OPHN1: variants seen among roughly 807,000 people sequenced by gnomAD.
The protein encoded by OPHN1 is oligophrenin-1.
Under a neutral mutation model 60.7 loss-of-function variants are expected in OPHN1, and 11 were observed. The ratio of observed to expected loss-of-function variants is 0.18; its 90% CI spans 0.11 to 0.30. The LOEUF (loss-of-function observed/expected upper bound fraction) is 0.30, where lower values mean the gene tolerates loss of function less well. OPHN1 is among the 10% of genes least tolerant of loss of function. The pLI, the probability that OPHN1 is intolerant of heterozygous loss-of-function variation, is 1.00. For synonymous variants in OPHN1, 226 were observed against 222.6 expected (o/e 1.02, Z -0.14); for missense variants, 449 against 611.0 (o/e 0.73, Z 2.80).
At chrX:68,126,440 C>G (rs1301754552) in intron 15 of OPHN1, among the ~76,000 whole-genome samples, 3 of 110,032 alleles carry the variant, frequency 2.7e-5, no homozygotes, top group African/African-American at 6.8e-5. Context: ...GATTTATAGT[C>G]TGCAATTCAA....
chrX:68,402,143 G>C (rs1052685466), intron 2 of OPHN1, among the ~76,000 whole-genome samples: 1 of 111,038 alleles, frequency 9.0e-6, no homozygotes, highest in Non-Finnish European at 1.9e-5. Context: ...AAAAGTGTTT[G>C]AAATGTAGCA....
chrX:68,120,373 T>A (rs2077145806), intron 15 of OPHN1, among the ~76,000 whole-genome samples: 1 of 111,635 alleles, frequency 9.0e-6, no homozygotes, highest in African/African-American at 3.3e-5. Context: ...GAAAAAAATT[T>A]CAAAAACAAT....
chrX:68,202,870 C>T (rs1399800014), intron 10 of OPHN1, among the ~76,000 whole-genome samples: 1 of 111,776 alleles, frequency 8.9e-6, no homozygotes, highest in Non-Finnish European at 1.9e-5. Flanking sequence ...AGTAAAGCAG[C>T]ATACCCAAAG....
chrX:68,388,160 G>A (rs1392990984), intron 2 of OPHN1, among the ~76,000 whole-genome samples: 1 of 103,320 alleles, frequency 9.7e-6, no homozygotes, highest in East Asian at 3.0e-4. Flanking sequence ...GGTCTCGTAT[G>A]CCTATTTAAG....
intron 4 of OPHN1, among the ~76,000 whole-genome samples, chrX:68,280,993 T>C (rs2078017054): frequency 8.9e-6 from 1 of 112,051 alleles, no homozygotes; most frequent in Non-Finnish European, 1.9e-5. Flanking sequence ...AAAGTCAATA[T>C]TTTTAAGATA....
intron 17 of OPHN1, 117 bp from the exon 18 acceptor site, chrX:68,112,076 CACACACACACACAGAG>C: frequency 4.8e-6 from 2 of 419,286 alleles, no homozygotes; most frequent in Non-Finnish European, 8.5e-6. Flanking sequence ...CACACACACA[CACACACACACACAGAG>C]AGAGATTCGG....
At chrX:68,128,170 C>T (rs887304944) in intron 15 of OPHN1, among the ~76,000 whole-genome samples, 1 of 109,592 alleles carries the variant, frequency 9.1e-6, no homozygotes, top group Non-Finnish European at 1.9e-5. Context: ...CCTCCTCTGC[C>T]TCCCGAGTAG....
intron 15 of OPHN1, among the ~76,000 whole-genome samples, chrX:68,165,445 G>A (rs1436975936): frequency 9.0e-6 from 1 of 110,781 alleles, no homozygotes; most frequent in Non-Finnish European, 1.9e-5. Flanking sequence ...CCAAGGAGAG[G>A]CACAGAGATA....
intron 2 of OPHN1, among the ~76,000 whole-genome samples, chrX:68,426,699 C>CAAAAA (rs778079057): frequency 5.4e-5 from 2 of 36,716 alleles, no homozygotes; most frequent in African/African-American, 7.7e-5. Context: ...CGCATCTCTC[C>CAAAAA]AAAAAAAAAA....
chrX:68,053,784 G>A lies in OPHN1; in HGVS notation c.2185C>T (p.Arg729Trp), dbSNP rs1265135988. 8 of 1,209,671 alleles carry A rather than the reference G, an allele frequency of 6.6e-6. No homozygotes were observed. The highest frequency in any genetic ancestry group is 1.7e-5 in the African/African-American group (1 of 57,474). Reference sequence around the variant, plus strand: ...ATGGTTGGCTTTTCTCCTGGAGGCCGCACTTTGCTGAAACTGTCAGCATCC... The same window carrying A: ...ATGGTTGGCTTTTCTCCTGGAGGCCACACTTTGCTGAAACTGTCAGCATCC... ...EGDADSFSKV[R>W]PPGEKPTIIR... is the part of the protein sequence containing the mutation. The change falls in exon 22 of 25, where the codon CGG (arginine) becomes TGG (tryptophan). Residue 729 changes from arginine to tryptophan, a missense_variant. Physicochemically the swap from Arg to Trp is moderately radical, Grantham distance 101. Transcript: ENST00000355520.
At chrX:68,071,508 A>G in intron 20 of OPHN1, 1 of 698,626 alleles carries the variant, frequency 1.4e-6, no homozygotes, top group Non-Finnish European at 2.3e-6. Context: ...TGCCCAGCAG[A>G]GATTTGAATT....
chrX:68,246,996 A>T (rs1313989695), intron 5 of OPHN1, among the ~76,000 whole-genome samples: 2 of 111,702 alleles, frequency 1.8e-5, no homozygotes, highest in Non-Finnish European at 3.8e-5. Flanking sequence ...AGGACTAAGT[A>T]TACTCACCTT....
chrX:68,179,982 C>G (rs2077429777), intron 15 of OPHN1, among the ~76,000 whole-genome samples: 1 of 111,303 alleles, frequency 9.0e-6, no homozygotes, highest in Non-Finnish European at 1.9e-5. Flanking sequence ...AAGGCTCCAC[C>G]TCTTGATAAC....
chrX:68,158,042 G>A (rs923737501), intron 15 of OPHN1, among the ~76,000 whole-genome samples: 3 of 111,638 alleles, frequency 2.7e-5, no homozygotes, highest in South Asian at 3.8e-4. Flanking sequence ...TCCACCTCCC[G>A]GGTTCACGCC....
At chrX:68,299,279 T>C (rs2078109480) in intron 2 of OPHN1, among the ~76,000 whole-genome samples, 183 bp from the exon 3 acceptor site, 1 of 111,682 alleles carries the variant, frequency 9.0e-6, no homozygotes, top group African/African-American at 3.3e-5. Flanking sequence ...ACAACTAAAA[T>C]CACAAGAAGA....
At chrX:68,164,672 G>C (rs1379305198) in intron 15 of OPHN1, among the ~76,000 whole-genome samples, 2 of 111,869 alleles carry the variant, frequency 1.8e-5, no homozygotes, top group Non-Finnish European at 3.8e-5. Context: ...ATGAGCACTG[G>C]CTTTAACTTT....
chrX:68,311,215 G>A (rs935942710), intron 2 of OPHN1, among the ~76,000 whole-genome samples: 1 of 111,861 alleles, frequency 8.9e-6, no homozygotes, highest in Non-Finnish European at 1.9e-5. Context: ...GTCAAGGCTT[G>A]CAGTAAGCTA....
At chrX:68,421,465 G>GT (rs751645148) in intron 2 of OPHN1, among the ~76,000 whole-genome samples, 43 of 110,717 alleles carry the variant, frequency 3.9e-4, no homozygotes, top group African/African-American at 1.3e-3. Flanking sequence ...TTTGTTTTTT[G>GT]TTTTTTTTCT....
At chrX:68,270,850 G>A (rs758031336) in intron 5 of OPHN1, among the ~76,000 whole-genome samples, 2 of 111,632 alleles carry the variant, frequency 1.8e-5, no homozygotes, top group East Asian at 5.7e-4. Context: ...GAGAAGTGCT[G>A]TTTCCTGCAA....
Sources: allele counts gnomAD v4.1 joint callset (sites outside exome capture counted in the v4.1 genomes callset), GRCh38; gene constraint gnomAD v4.1.1; transcripts MANE v1.5; gene names NCBI Gene and HGNC (gene_info 2026-07-23, HGNC 2026-07-21).